The following EXOC2 variants were observed in gnomAD, a reference collection of about 807,000 sequenced individuals.
The protein encoded by EXOC2 is exocyst complex component 2.
EXOC2 carries 70 observed loss-of-function variants against 131.8 expected under a neutral mutation model. The observed-to-expected ratio is 0.53, with a 90% confidence interval of 0.44 to 0.65. The LOEUF is 0.65. Among genes scored for constraint, EXOC2 ranks in the 30% least tolerant of loss-of-function variants. The pLI, the probability that EXOC2 is intolerant of heterozygous loss-of-function variation, is 0.00. For missense variants in EXOC2, 923 were observed against 1,108.6 expected (o/e 0.83, Z 2.38); for synonymous variants, 411 against 398.4 (o/e 1.03, Z -0.38).
At position 656,811 on chromosome 6, in the gene EXOC2, C is replaced by G. The variant is rs774349576; in HGVS notation, c.-43-18950G>C. The G allele has an allele frequency of 3.7e-6, 6 of 1,608,026 alleles. No individual in the cohort carries two copies. In the East Asian group the frequency reaches 1.1e-4, roughly 30 times the overall value. ...CCTGGCCTCGTGGAGGCCGCCGGAA[C>G]CCGCGGGGCCGAAGCACAGGCTGTC... On this transcript the variant is annotated intron_variant, in intron 1 of 27. Transcript: ENST00000230449.
chr6:671,757 T>C (rs1763882380), intron 1 of EXOC2, among the ~76,000 whole-genome samples: 1 of 152,174 alleles, frequency 6.6e-6, no homozygotes, highest in Non-Finnish European at 1.5e-5. Flanking sequence ...GTTTGCATGG[T>C]TGCTGAAAAA....
chr6:532,409 G>T, intron 23 of EXOC2, 60 bp downstream of exon 23: 1 of 1,373,686 alleles, frequency 7.3e-7, no homozygotes, highest in African/African-American at 1.5e-5. Context: ...AAGAATTCAA[G>T]CAAGTATCAA....
chr6:502,411 C>T (rs936279452), intron 23 of EXOC2, among the ~76,000 whole-genome samples: 12 of 152,232 alleles, frequency 7.9e-5, no homozygotes, highest in African/African-American at 2.9e-4. Context: ...GACTAAAAAG[C>T]AGAAAATTAT....
At chr6:538,773 C>G (rs1032795046) in intron 22 of EXOC2, among the ~76,000 whole-genome samples, 1 of 152,168 alleles carries the variant, frequency 6.6e-6, no homozygotes, top group Non-Finnish European at 1.5e-5. Flanking sequence ...GTTAAACCCA[C>G]TGTAAGTAGA....
chr6:585,969 G>A (rs1050588920), intron 11 of EXOC2, among the ~76,000 whole-genome samples: 1 of 152,230 alleles, frequency 6.6e-6, no homozygotes, highest in Non-Finnish European at 1.5e-5. Flanking sequence ...ATATTGGAAT[G>A]TAGTAAGCTT....
At chr6:513,305 C>T (rs572435997) in intron 23 of EXOC2, among the ~76,000 whole-genome samples, 26 of 152,378 alleles carry the variant, frequency 1.7e-4, no homozygotes, top group East Asian at 3.9e-4. Flanking sequence ...CACGTGTCCA[C>T]GAGCAGCACA....
At position 549,251 on chromosome 6, in the gene EXOC2, A is replaced by G. The variant is rs1469240002; in HGVS notation, c.2162T>C (p.Leu721Pro). 1.9e-6 allele frequency: 3 copies of G among 1,614,244 alleles called. No homozygotes were observed. Among genetic ancestry groups the G allele is most frequent in the Non-Finnish European group, 2.5e-6 (3 of 1,180,034 alleles). Residue 721 changes from leucine to proline, a missense_variant, in exon 22 of 28, where the codon CTA (leucine) becomes CCA (proline). By Grantham distance (98) the Leu-to-Pro change is moderately conservative. Coordinates refer to ENST00000230449, the MANE Select transcript of EXOC2 (RefSeq NM_018303.6). ...GATATTTAGGAAGGTGTGACGTTCT[A>G]GATAGCAGCAATTACTTAGGACTAT... ...LLIVLSNCCY[L>P]ERHTFLNIAE... is the part of the protein sequence containing the mutation.
At chr6:549,405 C>G in intron 21 of EXOC2, 114 bp from the exon 22 acceptor site, 1 of 712,120 alleles carries the variant, frequency 1.4e-6, no homozygotes, top group Non-Finnish European at 2.4e-6. Flanking sequence ...ATATCCAATG[C>G]TTTGCTTTTC....
intron 17 of EXOC2, among the ~76,000 whole-genome samples, chr6:557,690 A>G (rs541417335): frequency 1.6e-4 from 24 of 151,624 alleles, no homozygotes; most frequent in African/African-American, 5.8e-4. Flanking sequence ...TGTAAATAGG[A>G]TGGTCATAGA....
At chr6:600,228 ATT>A (rs147909107) in intron 7 of EXOC2, among the ~76,000 whole-genome samples, 3,131 of 152,288 alleles carry the variant, frequency 0.021, 128 homozygotes, top group African/African-American at 0.072. Context: ...TTCTGTTGAA[ATT>A]TTAAAGGCCT....
intron 1 of EXOC2, among the ~76,000 whole-genome samples, chr6:688,905 T>C (rs980546960): frequency 6.6e-5 from 10 of 152,216 alleles, no homozygotes; most frequent in African/African-American, 2.4e-4. Context: ...AAAATTATAA[T>C]ACAATGAAAG....
intron 6 of EXOC2, among the ~76,000 whole-genome samples, chr6:610,583 G>A (rs1229185738): frequency 2.6e-5 from 4 of 152,188 alleles, no homozygotes; most frequent in Non-Finnish European, 4.4e-5. Context: ...TCACATTTCA[G>A]ATGTTCAGAT....
chr6:607,776 T>C (rs1352383598), intron 7 of EXOC2, among the ~76,000 whole-genome samples: 2 of 152,236 alleles, frequency 1.3e-5, no homozygotes, highest in South Asian at 2.1e-4. Context: ...ATAGTCATCA[T>C]TGGCTTGAAA....
intron 7 of EXOC2, among the ~76,000 whole-genome samples, chr6:604,394 C>T (rs1156889564): frequency 6.6e-6 from 1 of 152,170 alleles, no homozygotes; most frequent in Non-Finnish European, 1.5e-5. Context: ...CATTACTACA[C>T]ACATTACTGC....
At chr6:547,686 T>C (rs1397481382) in intron 22 of EXOC2, among the ~76,000 whole-genome samples, 1 of 152,162 alleles carries the variant, frequency 6.6e-6, no homozygotes, top group Non-Finnish European at 1.5e-5. Context: ...TAGTTTACTA[T>C]CTATTCATTC....
chr6:556,864 T>C (rs370526487), intron 17 of EXOC2, among the ~76,000 whole-genome samples: 13 of 152,332 alleles, frequency 8.5e-5, no homozygotes, highest in South Asian at 6.2e-4. Flanking sequence ...GAGGCCAATA[T>C]ACAACGAGGA....
intron 11 of EXOC2, among the ~76,000 whole-genome samples, chr6:587,635 C>A (rs1759288457): frequency 6.6e-6 from 1 of 152,128 alleles, no homozygotes; most frequent in Non-Finnish European, 1.5e-5. Flanking sequence ...TGCAAACTGG[C>A]CAAAGCACAC....
intron 15 of EXOC2, 136 bp downstream of exon 15, chr6:564,409 T>C: frequency 2.3e-6 from 3 of 1,278,020 alleles, no homozygotes; most frequent in Non-Finnish European, 3.3e-6. Flanking sequence ...TGTCAGATGA[T>C]GAACAGGAAA....
At position 532,574 on chromosome 6, in the gene EXOC2, G is replaced by A. The variant is rs369804014; in HGVS notation, c.2275C>T (p.Leu759Phe). ...MASLKELDQR[L>F]FENYIELKAD... ...TTCAACTCGATGTAATTTTCAAAGA[G>A]TCTTTGATCTAGTTCTTTCAATGAG... is the stretch of plus-strand genomic sequence containing the variant. Residue 759 changes from leucine to phenylalanine, a missense_variant, in exon 23 of 28, where the codon CTC (leucine) becomes TTC (phenylalanine). By Grantham distance (22) the Leu-to-Phe change is conservative. Transcript: ENST00000230449. 1.9e-6 allele frequency: 3 copies of A among 1,605,772 alleles called. No individual in the cohort carries two copies. Among genetic ancestry groups the A allele is most frequent in the Non-Finnish European group, 2.5e-6 (3 of 1,177,160 alleles).
Sources: allele counts gnomAD v4.1 joint callset (sites outside exome capture counted in the v4.1 genomes callset), GRCh38; gene constraint gnomAD v4.1.1; transcripts MANE v1.5; gene names NCBI Gene and HGNC (gene_info 2026-07-23, HGNC 2026-07-21).